NRXN3: variants seen among roughly 807,000 people sequenced by gnomAD.
The protein encoded by NRXN3 is neurexin III.
In NRXN3, 32 loss-of-function variants were observed where a neutral mutation model predicts 137.6. That is an observed-to-expected ratio of 0.23 (90% CI 0.18 to 0.31). The LOEUF is 0.31. NRXN3 is among the 10% of genes least tolerant of loss of function. The pLI is 1.00. For synonymous variants in NRXN3, 798 were observed against 784.5 expected, an observed-to-expected ratio of 1.02 and a Z score of -0.29; for missense variants, 1,574 against 2,062.5, an observed-to-expected ratio of 0.76 and a Z score of 4.59.
chr14:79,386,636 A>C, intron 15 of NRXN3, among the ~76,000 whole-genome samples: 1 of 152,210 alleles, frequency 6.6e-6, no homozygotes, highest in Non-Finnish European at 1.5e-5. Flanking sequence ...AGGAGCCCAC[A>C]TTGCCAAGTC....
At chr14:79,860,160 A>G (rs1220207542) in intron 20 of NRXN3, among the ~76,000 whole-genome samples, 7 of 152,190 alleles carry the variant, frequency 4.6e-5, no homozygotes, top group African/African-American at 7.2e-5. Flanking sequence ...ACGAGGGTCT[A>G]TGGGTAAACA....
At chr14:78,172,170 T>G (rs757054079) in intron 1 of NRXN3, among the ~76,000 whole-genome samples, 3 of 152,154 alleles carry the variant, frequency 2.0e-5, no homozygotes, top group Non-Finnish European at 4.4e-5. Context: ...GGGGGTCAGA[T>G]GACCGTTTGC....
At chr14:78,399,506 G>T (rs11159355) in intron 4 of NRXN3, among the ~76,000 whole-genome samples, 1 of 151,958 alleles carries the variant, frequency 6.6e-6, no homozygotes, top group Admixed American at 6.6e-5. Flanking sequence ...TGTCCAGGGT[G>T]CTGGACTCTC....
chr14:79,606,227 C>G (rs2098013899), intron 16 of NRXN3, among the ~76,000 whole-genome samples: 1 of 152,082 alleles, frequency 6.6e-6, no homozygotes, highest in African/African-American at 2.4e-5. Context: ...GCTCAATTAC[C>G]ATGAAGGCCA....
chr14:79,817,082 T>C (rs945646335), intron 20 of NRXN3, among the ~76,000 whole-genome samples: 29 of 152,126 alleles, frequency 1.9e-4, no homozygotes, highest in African/African-American at 6.5e-4. Flanking sequence ...TTTTTTTTGG[T>C]CACTCTGTCA....
intron 2 of NRXN3, among the ~76,000 whole-genome samples, chr14:78,245,420 T>C (rs572272687): frequency 6.6e-6 from 1 of 152,342 alleles, no homozygotes; most frequent in African/African-American, 2.4e-5. Context: ...GGAGGCCAGA[T>C]GGCTGGTGCC....
intron 8 of NRXN3, among the ~76,000 whole-genome samples, chr14:78,720,025 C>T (rs1157908718): frequency 6.6e-6 from 1 of 152,048 alleles, no homozygotes; most frequent in African/African-American, 2.4e-5. Context: ...ATGCATCAGG[C>T]TTTCCATTAC....
At chr14:78,518,524 G>C (rs1331657505) in intron 4 of NRXN3, among the ~76,000 whole-genome samples, 1 of 152,076 alleles carries the variant, frequency 6.6e-6, no homozygotes, top group Non-Finnish European at 1.5e-5. Context: ...GAACCAATGA[G>C]AGTGTCTCTC....
intron 4 of NRXN3, among the ~76,000 whole-genome samples, chr14:78,592,185 T>A (rs997462217): frequency 2.6e-5 from 4 of 152,226 alleles, no homozygotes; most frequent in Non-Finnish European, 5.9e-5. Context: ...TTCTACTAAC[T>A]GAACCATCTT....
intron 15 of NRXN3, among the ~76,000 whole-genome samples, chr14:79,363,009 T>G (rs1342157680): frequency 2.6e-5 from 4 of 151,954 alleles, no homozygotes; most frequent in Non-Finnish European, 4.4e-5. Context: ...TTGGAATTTT[T>G]TTTTTTTTTT....
At chr14:78,791,184 C>A (rs1194344309) in intron 8 of NRXN3, among the ~76,000 whole-genome samples, 1 of 152,142 alleles carries the variant, frequency 6.6e-6, no homozygotes, top group East Asian at 1.9e-4. Context: ...AGATTGAAGA[C>A]TTTGAGCTCT....
At chr14:78,410,623 G>A (rs770619311) in intron 4 of NRXN3, among the ~76,000 whole-genome samples, 8 of 152,172 alleles carry the variant, frequency 5.3e-5, no homozygotes, top group Non-Finnish European at 8.8e-5. Flanking sequence ...GGTGGGAGGA[G>A]CTGATGTCAG....
intron 15 of NRXN3, among the ~76,000 whole-genome samples, chr14:79,292,866 G>C (rs368435378): frequency 6.6e-6 from 1 of 152,172 alleles, no homozygotes; most frequent in Admixed American, 6.5e-5. Flanking sequence ...TAAGTCTGCC[G>C]TGCATTACAG....
At chr14:79,737,278 C>A (rs2098945413) in intron 19 of NRXN3, among the ~76,000 whole-genome samples, 1 of 152,156 alleles carries the variant, frequency 6.6e-6, no homozygotes, top group Non-Finnish European at 1.5e-5. Context: ...TCCTTAACCA[C>A]TCAGCAGTTA....
intron 16 of NRXN3, among the ~76,000 whole-genome samples, chr14:79,499,959 G>A (rs1000029360): frequency 3.5e-3 from 194 of 54,904 alleles, no homozygotes; most frequent in African/African-American, 6.8e-3. Context: ...TTAGGGTCGT[G>A]TGTGTGTGTG....
intron 15 of NRXN3, among the ~76,000 whole-genome samples, chr14:79,214,325 A>C (rs867096195): frequency 6.6e-6 from 1 of 152,360 alleles, no homozygotes; most frequent in Middle Eastern, 3.4e-3. Flanking sequence ...GAGGCCAAAC[A>C]TTGAAGGAAG....
intron 4 of NRXN3, among the ~76,000 whole-genome samples, chr14:78,572,532 C>G (rs2096899287): frequency 6.6e-6 from 1 of 152,216 alleles, no homozygotes; most frequent in African/African-American, 2.4e-5. Flanking sequence ...TCAGACCAAT[C>G]CAGAAGCACT....
At chr14:79,722,359 C>A (rs573174838) in intron 19 of NRXN3, among the ~76,000 whole-genome samples, 6 of 152,108 alleles carry the variant, frequency 3.9e-5, no homozygotes, top group African/African-American at 1.4e-4. Context: ...CCATTGCCTG[C>A]AGGATAAAAT....
In NRXN3 at chr14:79,548,714, G is replaced by A. The variant is rs531956771; in HGVS notation, c.3444+81312G>A. On this transcript the variant is annotated intron_variant, in intron 16 of 20. Coordinates refer to ENST00000335750, the MANE Select transcript of NRXN3 (RefSeq NM_001330195.2). ...CATCAACATCTTGAATAGAAAATAA[G>A]TCTATCCTTAAAGATACAGTACATT... Among the ~76,000 whole-genome samples the A allele has an allele frequency of 2.0e-5, 3 of 147,414 alleles. No homozygotes were observed. In the East Asian group the frequency reaches 6.2e-4, roughly 31 times the overall value.
Sources: allele counts gnomAD v4.1 joint callset (sites outside exome capture counted in the v4.1 genomes callset), GRCh38; gene constraint gnomAD v4.1.1; transcripts MANE v1.5; gene names NCBI Gene and HGNC (gene_info 2026-07-23, HGNC 2026-07-21).